The following NOTCH3 variants were observed in gnomAD, a reference collection of about 807,000 sequenced individuals.
NOTCH3 encodes notch receptor 3, also known as neurogenic locus notch homolog protein 3.
In NOTCH3, 86 loss-of-function variants were observed where a neutral mutation model predicts 213.3. The ratio of observed to expected loss-of-function variants is 0.40; its 90% CI spans 0.34 to 0.48. The LOEUF is 0.48. NOTCH3 is among the 20% of genes least tolerant of loss of function. The pLI is 0.57. For missense variants in NOTCH3, 2,783 were observed against 3,272.6 expected, an observed-to-expected ratio of 0.85 and a Z score of 3.65; for synonymous variants, 1,354 against 1,355.9, an observed-to-expected ratio of 1.00 and a Z score of 0.03.
intron 1 of NOTCH3, 103 bp downstream of exon 1, chr19:15,200,685 C>G (rs929355776): frequency 1.1e-6 from 1 of 921,510 alleles, no homozygotes; most frequent in Non-Finnish European, 1.4e-6. Flanking sequence ...CTTCCCCGAC[C>G]CTGGTTCCTG....
In NOTCH3 at chr19:15,180,200, A is replaced by G; in HGVS notation, c.3199T>C (p.Ser1067Pro). Reference sequence around the variant, plus strand: ...CCCTCTGGGCACACGCAGTAGTGGGAGCTGTCTTCATCCACACACTGCCCA... The same window carrying G: ...CCCTCTGGGCACACGCAGTAGTGGGGGCTGTCTTCATCCACACACTGCCCA... The part of the protein sequence containing the change: ...AGGQCVDEDS[S>P]HYCVCPEGRT... Residue 1067 changes from serine (S) to proline (P), a missense_variant, in exon 20 of 33, where the codon TCC becomes CCC. Coordinates refer to ENST00000263388, the MANE Select transcript of NOTCH3 (RefSeq NM_000435.3). 6.2e-7 allele frequency: 1 copy of G among 1,613,836 alleles called. No individual in the cohort carries two copies. Among genetic ancestry groups the G allele is most frequent in the Non-Finnish European group, 8.5e-7 (1 of 1,179,994 alleles).
intron 23 of NOTCH3, chr19:15,178,519 G>T (rs1198753581): frequency 2.1e-6 from 1 of 474,618 alleles, no homozygotes; most frequent in South Asian, 2.1e-5. Flanking sequence ...CGAGTAGCTG[G>T]GATTACAGGC....
intron 28 of NOTCH3, 86 bp downstream of exon 28, chr19:15,170,000 C>G: frequency 9.4e-6 from 7 of 744,684 alleles, no homozygotes; most frequent in Non-Finnish European, 1.2e-5. Flanking sequence ...ATCCCCTGAT[C>G]ACGCCCATCA....
Sources: gnomAD v4.1 joint callset for allele counts on GRCh38, gnomAD v4.1.1 for gene constraint, MANE v1.5 for transcripts, NCBI Gene and HGNC (gene_info 2026-07-23, HGNC 2026-07-21) for gene names.